Variants in MTUS2 observed in about 807,000 individuals in gnomAD.
The protein encoded by MTUS2 is microtubule-associated tumor suppressor candidate 2.
In MTUS2, 40 loss-of-function variants were observed where a neutral mutation model predicts 114.1. The observed-to-expected ratio is 0.35, with a 90% CI of 0.27 to 0.46. The LOEUF (loss-of-function observed/expected upper bound fraction) is 0.46, where lower values mean the gene tolerates loss of function less well. Among genes scored for constraint, MTUS2 ranks in the 20% least tolerant of loss-of-function variants. MTUS2 has a pLI of 1.00. For synonymous variants in MTUS2, 688 were observed against 672.0 expected, an observed-to-expected ratio of 1.02 and a Z score of -0.37; for missense variants, 1,679 against 1,705.4, an observed-to-expected ratio of 0.98 and a Z score of 0.27.
At chr13:28,942,715 A>G (rs1882312433) in intron 2 of MTUS2, among the ~76,000 whole-genome samples, 1 of 152,194 alleles carries the variant, frequency 6.6e-6, no homozygotes, top group African/African-American at 2.4e-5. Context: ...GTAATGTAGT[A>G]TATGATTTCA....
chr13:29,072,398 TTCTC>T (rs1888981311), intron 4 of MTUS2, among the ~76,000 whole-genome samples: 1 of 152,150 alleles, frequency 6.6e-6, no homozygotes, highest in South Asian at 2.1e-4. Context: ...ATTGACTAGA[TTCTC>T]TTAAATCCAG....
intron 5 of MTUS2, among the ~76,000 whole-genome samples, chr13:29,113,424 G>C (rs1193999328): frequency 6.6e-6 from 1 of 152,160 alleles, no homozygotes; most frequent in South Asian, 2.1e-4. Context: ...TCTTATTGCT[G>C]GTTTGTAATA....
At chr13:29,114,982 G>A (rs1201319854) in intron 5 of MTUS2, among the ~76,000 whole-genome samples, 6 of 152,334 alleles carry the variant, frequency 3.9e-5, no homozygotes, top group Admixed American at 2.6e-4. Flanking sequence ...AGATGATAGA[G>A]CTATTAAATT....
chr13:29,169,410 T>C (rs954914127), intron 5 of MTUS2, among the ~76,000 whole-genome samples: 2 of 151,980 alleles, frequency 1.3e-5, no homozygotes, highest in African/African-American at 4.8e-5. Flanking sequence ...TGGTTCTGAG[T>C]GTGTGATTCA....
intron 6 of MTUS2, among the ~76,000 whole-genome samples, chr13:29,318,691 A>G (rs1331001226): frequency 6.6e-6 from 1 of 152,166 alleles, no homozygotes; most frequent in Non-Finnish European, 1.5e-5. Context: ...AAAATACACA[A>G]TGGTGCTTCT....
intron 5 of MTUS2, among the ~76,000 whole-genome samples, chr13:29,144,717 C>G (rs1442453696): frequency 2.0e-5 from 3 of 152,174 alleles, no homozygotes; most frequent in Middle Eastern, 6.3e-3. Context: ...AGATGAATCT[C>G]TCACTCCAGT....
chr13:29,205,795 T>C (rs567354532), intron 5 of MTUS2, among the ~76,000 whole-genome samples: 25 of 152,394 alleles, frequency 1.6e-4, no homozygotes, highest in Admixed American at 7.2e-4. Flanking sequence ...ATATTTTCTT[T>C]ATCTACTTGT....
chr13:29,305,968 A>G (rs1167238492), intron 6 of MTUS2, among the ~76,000 whole-genome samples: 1 of 152,250 alleles, frequency 6.6e-6, no homozygotes, highest in African/African-American at 2.4e-5. Context: ...CCCAGGATGC[A>G]AGGTTGGTTC....
intron 6 of MTUS2, among the ~76,000 whole-genome samples, chr13:29,286,052 A>G (rs543735575): frequency 9.0e-4 from 137 of 152,148 alleles, no homozygotes; most frequent in African/African-American, 3.3e-3. Flanking sequence ...TAGTCTCCCA[A>G]GTAGCTGGGA....
At chr13:29,066,887 C>A (rs1198096685) in intron 4 of MTUS2, among the ~76,000 whole-genome samples, 1 of 152,226 alleles carries the variant, frequency 6.6e-6, no homozygotes, top group Non-Finnish European at 1.5e-5. Context: ...GGAAAGTTTT[C>A]TAAGCCAAGT....
rs1373748170 is a variant in MTUS2 at position 29,505,101 on chromosome 13, G to A, written c.*1895G>A. ...TCTCTTTGCTTTAGTGGCTCTGCAT[G>A]ATACTGTGATATTGAGTTGGGCATT... On this transcript the variant is annotated 3_prime_UTR_variant, in exon 16 of 16. Transcript: ENST00000612955. The A allele has an allele frequency of 8.6e-6, 2 of 232,036 alleles. No individual in the cohort carries two copies. The highest frequency in any genetic ancestry group is 1.1e-4 in the Admixed American group (2 of 17,756). 14.4% of individuals were successfully genotyped at this position (232,036 alleles called of 1,614,324 possible).
chr13:29,053,139 A>T (rs1316787557), intron 4 of MTUS2, among the ~76,000 whole-genome samples: 1 of 152,200 alleles, frequency 6.6e-6, no homozygotes, highest in Non-Finnish European at 1.5e-5. Flanking sequence ...AATGATAATG[A>T]TACTAATGTA....
intron 4 of MTUS2, among the ~76,000 whole-genome samples, chr13:29,074,284 C>G (rs1403764809): frequency 2.0e-5 from 3 of 152,122 alleles, no homozygotes; most frequent in Non-Finnish European, 1.5e-5. Flanking sequence ...TCCTTTATGA[C>G]TCAGGTCAAG....
rs897900327 is a variant in MTUS2 at position 29,389,258 on chromosome 13, C to T, written c.3117+29785C>T. Among the ~76,000 whole-genome samples, 413 of 105,540 alleles carry T rather than the reference C, an allele frequency of 3.9e-3. 34 individuals carry two copies. The highest frequency in any genetic ancestry group is 0.013 in the African/African-American group (386 of 28,744). 69.2% of individuals were successfully genotyped at this position (105,540 alleles called of 152,430 possible). On this transcript the variant is annotated intron_variant, in intron 8 of 15. Coordinates refer to ENST00000612955, the MANE Select transcript of MTUS2 (RefSeq NM_001033602.4). ...GTATGTGTGTATATATATGTATACA[C>T]ATGTGTGTATATATGTATATATGTA...
Position 28,823,626 on chromosome 13 carries a change from C to T in MTUS2, c.-316+3015C>T, listed in dbSNP as rs189022886. ...TCTCAACTGGGCCTCAACCTTGGCC[C>T]GTAAGAACTGCAGCTTTCAACACAA... On this transcript the variant is annotated intron_variant, in intron 1 of 15. Coordinates refer to ENST00000612955, the MANE Select transcript of MTUS2 (RefSeq NM_001033602.4). Among the ~76,000 whole-genome samples, 343 of 152,288 alleles carry T rather than the reference C, an allele frequency of 2.3e-3. 1 individual carries two copies. Among genetic ancestry groups the T allele is most frequent in the Admixed American group, 3.6e-3 (55 of 15,298 alleles).
intron 5 of MTUS2, among the ~76,000 whole-genome samples, chr13:29,268,476 C>T (rs886273873): frequency 6.6e-6 from 1 of 152,108 alleles, no homozygotes; most frequent in Non-Finnish European, 1.5e-5. Flanking sequence ...CTCCTCATCA[C>T]CATTCAGATC....
At chr13:29,000,529 A>ATT (rs574166232) in intron 2 of MTUS2, among the ~76,000 whole-genome samples, 2,667 of 151,676 alleles carry the variant, frequency 0.018, 79 homozygotes, top group African/African-American at 0.06. Context: ...CACCCGGGTA[A>ATT]TTTTTTTTGT....
chr13:28,874,554 CT>C (rs908397351), intron 2 of MTUS2, among the ~76,000 whole-genome samples: 1 of 152,072 alleles, frequency 6.6e-6, no homozygotes, highest in Non-Finnish European at 1.5e-5. Context: ...TGGCTGTTGG[CT>C]TGGGGCCTCA....
intron 8 of MTUS2, among the ~76,000 whole-genome samples, chr13:29,406,961 T>C (rs1874801528): frequency 6.6e-6 from 1 of 152,200 alleles, no homozygotes; most frequent in Non-Finnish European, 1.5e-5. Flanking sequence ...TGAAAGACAT[T>C]TAGGCCGGGC....
Sources: allele counts gnomAD v4.1 joint callset (sites outside exome capture counted in the v4.1 genomes callset), GRCh38; gene constraint gnomAD v4.1.1; transcripts MANE v1.5; gene names NCBI Gene and HGNC (gene_info 2026-07-23, HGNC 2026-07-21).